The following PGGT1B variants were observed in gnomAD, a reference collection of about 807,000 sequenced individuals.
The protein encoded by PGGT1B is geranylgeranyl transferase type-1 subunit beta.
A neutral mutation model predicts 46.1 loss-of-function variants in PGGT1B; 30 were observed. The ratio of observed to expected loss-of-function variants is 0.65; its 90% CI spans 0.49 to 0.88. The LOEUF is 0.88. Ranked by LOEUF, PGGT1B falls within the 40% of genes least tolerant of loss-of-function variation. PGGT1B has a pLI of 0.00. For synonymous variants in PGGT1B, 170 were observed against 160.0 expected, an observed-to-expected ratio of 1.06 and a Z score of -0.47; for missense variants, 376 against 455.9, an observed-to-expected ratio of 0.82 and a Z score of 1.60.
Position 115,209,962 on chromosome 5 carries a change from G to A in PGGT1B, c.*2440C>T, listed in dbSNP as rs2126982410. The A allele has an allele frequency of 6.6e-6, 1 of 152,068 alleles. No individual in the cohort carries two copies. Among genetic ancestry groups the A allele is most frequent in the Non-Finnish European group, 1.5e-5 (1 of 67,964 alleles). The allele number at this position is 152,068 out of a possible 1,614,324, so 9.4% of individuals were successfully genotyped here. On this transcript the variant is annotated 3_prime_UTR_variant, in exon 9 of 9. Coordinates refer to ENST00000419445, the MANE Select transcript of PGGT1B (RefSeq NM_005023.4). ...ATTCCAGAGCACCTCCTCATTAACTGTCTCTCAAAAATGATCAGGTCCAAC... is the reference window on the plus strand; with the variant it reads ...ATTCCAGAGCACCTCCTCATTAACTATCTCTCAAAAATGATCAGGTCCAAC...
At chr5:115,227,040 T>C (rs977552423) in intron 6 of PGGT1B, among the ~76,000 whole-genome samples, 6 of 152,014 alleles carry the variant, frequency 3.9e-5, no homozygotes, top group African/African-American at 7.2e-5. Flanking sequence ...GGAGAGTATG[T>C]TTTCTTACAA....
At position 115,207,180 on chromosome 5, in the gene PGGT1B, C is replaced by CATATGT. The variant is rs1554069087; in HGVS notation, c.*5221_*5222insACATAT. On this transcript the variant is annotated 3_prime_UTR_variant, in exon 9 of 9. Coordinates refer to ENST00000419445, the MANE Select transcript of PGGT1B (RefSeq NM_005023.4). ...ACTAGTTTAGGTTTGCATATACATA[C>CATATGT]ATATATATATATATATATATATATA... The CATATGT allele has an allele frequency of 1.1e-5, 1 of 89,950 alleles. No individual in the cohort carries two copies. Among genetic ancestry groups the CATATGT allele is most frequent in the Non-Finnish European group, 2.4e-5 (1 of 42,226 alleles). The allele number at this position is 89,950 out of a possible 1,614,324, so 5.6% of individuals were successfully genotyped here. A position where few individuals can be genotyped will look rare whatever the true frequency, so the allele number is the denominator to read the frequency against.
In PGGT1B at chr5:115,228,933, C is replaced by T. The variant is rs150458038; in HGVS notation, c.658+2043G>A. ...TGCTAAAGGCTTACACAGAGAATTACAGAACAAGTCATTTGTGAAGAAAGG... is the reference window on the plus strand; with the variant it reads ...TGCTAAAGGCTTACACAGAGAATTATAGAACAAGTCATTTGTGAAGAAAGG... On this transcript the variant is annotated intron_variant, in intron 6 of 8. Transcript: ENST00000419445. Among the ~76,000 whole-genome samples the T allele has an allele frequency of 8.8e-3, 1,340 of 152,156 alleles. 27 individuals carry two copies. Among genetic ancestry groups the T allele is most frequent in the Non-Finnish European group, 8.8e-3 (600 of 68,000 alleles).
intron 7 of PGGT1B, among the ~76,000 whole-genome samples, chr5:115,218,974 G>C (rs983148257): frequency 6.6e-6 from 1 of 151,764 alleles, no homozygotes; most frequent in Non-Finnish European, 1.5e-5. Context: ...AAATGGAAAA[G>C]CATCCTGTGC....
intron 6 of PGGT1B, 47 bp downstream of exon 6, chr5:115,230,929 T>C (rs369108920): frequency 5.0e-6 from 6 of 1,200,446 alleles, no homozygotes; most frequent in African/African-American, 3.0e-5. Flanking sequence ...AGATGTTGTC[T>C]AAGGGAACAA....
At chr5:115,216,559 T>C (rs1441912766) in intron 8 of PGGT1B, among the ~76,000 whole-genome samples, 1 of 152,230 alleles carries the variant, frequency 6.6e-6, no homozygotes, top group East Asian at 1.9e-4. Flanking sequence ...TAAATAATTC[T>C]CTTCTTTGGA....
intron 3 of PGGT1B, among the ~76,000 whole-genome samples, chr5:115,241,272 A>G (rs1757336632): frequency 6.6e-6 from 1 of 152,158 alleles, no homozygotes; most frequent in African/African-American, 2.4e-5. Flanking sequence ...ATACTGAGAC[A>G]ATTTTTTGTA....
At chr5:115,255,140 T>C (rs889896827) in intron 1 of PGGT1B, among the ~76,000 whole-genome samples, 1 of 152,204 alleles carries the variant, frequency 6.6e-6, no homozygotes, top group Non-Finnish European at 1.5e-5. Context: ...ACGCAATAAA[T>C]GGAAGCCATT....
In PGGT1B at chr5:115,262,760, C is replaced by A. The variant is rs780633498; in HGVS notation, c.92G>T (p.Arg31Leu). 5 of 1,613,290 alleles carry A rather than the reference C, an allele frequency of 3.1e-6. No individual in the cohort carries two copies. The highest frequency in any genetic ancestry group is 2.7e-5 in the African/African-American group (2 of 74,906). The part of the protein sequence containing the change: ...LRDRHVRFFQ[R>L]CLQVLPERYS... ...GCGCTCCGGCAAAACCTGGAGGCAG[C>A]GCTGGAAAAATCGCACGTGCCGATC... Residue 31 changes from arginine (R) to leucine (L), a missense_variant, in exon 1 of 9, where the codon CGC (arginine) becomes CTC (leucine). By Grantham distance (102) the Arg-to-Leu change is moderately radical (BLOSUM62 -2). Transcript: ENST00000419445.
intron 8 of PGGT1B, 88 bp downstream of exon 8, chr5:115,216,777 T>C: frequency 2.7e-6 from 2 of 730,016 alleles, no homozygotes; most frequent in East Asian, 5.2e-5. Context: ...ACTGGATATA[T>C]TTTCTATCAT....
chr5:115,249,276 G>A (rs180981427), intron 2 of PGGT1B, among the ~76,000 whole-genome samples: 15 of 151,902 alleles, frequency 9.9e-5, no homozygotes, highest in East Asian at 3.9e-4. Context: ...GTAAAGTTTC[G>A]GTGCCACAAA....
chr5:115,225,592 G>T lies in PGGT1B; in HGVS notation c.659-3584C>A, dbSNP rs147143781. ...CTAAAGTAGAAAACTAAATAAATAGGTACATAAATAAGTACATCATTTTAC... is the reference window on the plus strand; with the variant it reads ...CTAAAGTAGAAAACTAAATAAATAGTTACATAAATAAGTACATCATTTTAC... On this transcript the variant is annotated intron_variant, in intron 6 of 8. Coordinates refer to ENST00000419445, the MANE Select transcript of PGGT1B (RefSeq NM_005023.4). Among the ~76,000 whole-genome samples the T allele has an allele frequency of 1.9e-3, 292 of 151,854 alleles. 2 individuals carry two copies. The highest frequency in any genetic ancestry group is 6.6e-3 in the African/African-American group (273 of 41,426).
intron 7 of PGGT1B, among the ~76,000 whole-genome samples, chr5:115,219,339 T>C (rs1756519006): frequency 6.6e-6 from 1 of 151,826 alleles, no homozygotes; most frequent in African/African-American, 2.4e-5. Flanking sequence ...GCCAAAACCA[T>C]TTCATGGAAA....
intron 1 of PGGT1B, 50 bp downstream of exon 1, chr5:115,262,662 C>T: frequency 6.4e-7 from 1 of 1,556,482 alleles, no homozygotes; most frequent in Non-Finnish European, 8.7e-7. Flanking sequence ...CGCGCCTTTC[C>T]GCTGGAGCCC....
Position 115,211,287 on chromosome 5 carries a change from C to G in PGGT1B, c.*1115G>C, listed in dbSNP as rs1756213944. Reference sequence around the variant, plus strand: ...CCTTTATAATTAGCTAGTTCATAGACTTAAAACAAAACAATGAACAAAAAC... The same window carrying G: ...CCTTTATAATTAGCTAGTTCATAGAGTTAAAACAAAACAATGAACAAAAAC... On this transcript the variant is annotated 3_prime_UTR_variant, in exon 9 of 9. Transcript: ENST00000419445. 1 of 151,906 alleles carries G rather than the reference C, an allele frequency of 6.6e-6. No homozygotes were observed. 9.4% of individuals were successfully genotyped at this position (151,906 alleles called of 1,614,324 possible).
rs1756260380 is a variant in PGGT1B at position 115,212,377 on chromosome 5, C to T, written c.*25G>A. 3.2e-6 allele frequency: 5 copies of T among 1,585,166 alleles called. No individual in the cohort carries two copies. The highest frequency in any genetic ancestry group is 4.3e-6 in the Non-Finnish European group (5 of 1,157,082). On this transcript the variant is annotated 3_prime_UTR_variant, in exon 9 of 9. Transcript: ENST00000419445. ...TGAGCTACAGTTATGCTACAAATCC[C>T]CCCACCCTCCCAATCTAAAATCAGT...
intron 6 of PGGT1B, among the ~76,000 whole-genome samples, chr5:115,228,365 A>C (rs1292244753): frequency 6.6e-6 from 1 of 152,260 alleles, no homozygotes; most frequent in Non-Finnish European, 1.5e-5. Flanking sequence ...ATGAGGTTTA[A>C]GTGAGAAGAA....
In PGGT1B at chr5:115,211,598, C is replaced by CAAAAA. The variant is rs34207751; in HGVS notation, c.*799_*803dup. 1.1e-3 allele frequency: 83 copies of CAAAAA among 72,854 alleles called. No homozygotes were observed. The highest frequency in any genetic ancestry group is 1.4e-3 in the Non-Finnish European group (54 of 38,680). 4.5% of individuals were successfully genotyped at this position (72,854 alleles called of 1,614,324 possible). ...AAAAGATTGTTTTCTTCCTAGAAAG[C>CAAAAA]AAAAAAAAAAAAAAAAAAAAAAAGG... On this transcript the variant is annotated 3_prime_UTR_variant, in exon 9 of 9. Transcript: ENST00000419445.
intron 5 of PGGT1B, 61 bp from the exon 6 acceptor site, chr5:115,231,082 A>G: frequency 1.1e-6 from 1 of 874,982 alleles, no homozygotes; most frequent in Non-Finnish European, 1.7e-6. Context: ...AAATGAATAA[A>G]TAAGTTGCCA....
Sources: gnomAD v4.1 joint callset for allele counts (sites outside exome capture counted in the v4.1 genomes callset) on GRCh38, gnomAD v4.1.1 for gene constraint, MANE v1.5 for transcripts, NCBI Gene and HGNC (gene_info 2026-07-23, HGNC 2026-07-21) for gene names.